Variants in MSI1 observed in about 807,000 individuals in gnomAD.
MSI1 encodes the protein RNA-binding protein Musashi homolog 1.
A neutral mutation model predicts 54.4 loss-of-function variants in MSI1; 15 were observed. The ratio of observed to expected loss-of-function variants is 0.28; its 90% CI spans 0.18 to 0.42. MSI1 has a LOEUF of 0.42. MSI1 is among the 20% of genes least tolerant of loss of function. The pLI is 1.00. For synonymous variants in MSI1, 200 were observed against 196.5 expected (o/e 1.02, Z -0.15); for missense variants, 304 against 506.0 (o/e 0.60, Z 3.83).
chr12:120,344,835 C>T (rs1371362554), intron 14 of MSI1, among the ~76,000 whole-genome samples: 4 of 151,758 alleles, frequency 2.6e-5, no homozygotes, highest in Admixed American at 6.6e-5. Flanking sequence ...TGGCAAAACT[C>T]GTCTCTGCTA....
chr12:120,364,851 G>T, intron 4 of MSI1, 96 bp from the exon 5 acceptor site: 1 of 1,045,688 alleles, frequency 9.6e-7, no homozygotes, highest in Non-Finnish European at 1.4e-6. Flanking sequence ...TCTCCTCCCA[G>T]GACACAAAGG....
At chr12:120,364,916 T>C (rs1310959531) in intron 4 of MSI1, among the ~76,000 whole-genome samples, 161 bp from the exon 5 acceptor site, 1 of 152,180 alleles carries the variant, frequency 6.6e-6, no homozygotes, top group Non-Finnish European at 1.5e-5. Flanking sequence ...AGCATTTATT[T>C]TTATTTTTTC....
intron 6 of MSI1, among the ~76,000 whole-genome samples, chr12:120,362,280 A>G (rs1426583498): frequency 6.6e-6 from 1 of 152,148 alleles, no homozygotes; most frequent in African/African-American, 2.4e-5. Context: ...CTCACCTAAA[A>G]GAAGAAAGAC....
At chr12:120,340,886 CTTTTT>C (rs34926125), downstream of MSI1, among the ~76,000 whole-genome samples, 2 of 119,456 alleles carry the variant, frequency 1.7e-5, no homozygotes, top group Non-Finnish European at 1.7e-5. Context: ...TTCTCCTATT[CTTTTT>C]TTTTTTTTTT....
intron 14 of MSI1, among the ~76,000 whole-genome samples, chr12:120,343,646 G>C (rs568630737): frequency 6.6e-6 from 1 of 152,270 alleles, no homozygotes; most frequent in South Asian, 2.1e-4. Context: ...AAATAGCCCT[G>C]TCATGCACAG....
intron 14 of MSI1, 117 bp downstream of exon 14, chr12:120,345,453 G>A: frequency 2.4e-6 from 2 of 832,202 alleles, no homozygotes; most frequent in Non-Finnish European, 2.0e-6. Context: ...ATAAAGATCT[G>A]TCTCCCCTGG....
At chr12:120,346,464 A>C (rs1333725646) in intron 12 of MSI1, 142 bp from the exon 13 acceptor site, 1 of 765,668 alleles carries the variant, frequency 1.3e-6, no homozygotes, top group Non-Finnish European at 1.9e-6. Flanking sequence ...AGATCTCCCC[A>C]TGCCCATCCA....
intron 14 of MSI1, among the ~76,000 whole-genome samples, chr12:120,344,965 A>C (rs1873987799): frequency 6.8e-6 from 1 of 147,280 alleles, no homozygotes; most frequent in African/African-American, 2.5e-5. Flanking sequence ...CAGTGAGCCA[A>C]GATTGCGCCA....
At chr12:120,351,292 T>C in intron 11 of MSI1, 52 bp downstream of exon 11, 1 of 1,536,144 alleles carries the variant, frequency 6.5e-7, no homozygotes, top group Non-Finnish European at 9.0e-7. Flanking sequence ...CCTGGGCCCC[T>C]TCTGTTTCTC....
At chr12:120,349,313 G>A (rs886471147) in intron 11 of MSI1, among the ~76,000 whole-genome samples, 41 of 152,062 alleles carry the variant, frequency 2.7e-4, no homozygotes, top group African/African-American at 9.9e-4. Flanking sequence ...TGGCCAGGCT[G>A]GTCTCAAACT....
chr12:120,359,855 C>G (rs558705737), intron 6 of MSI1, among the ~76,000 whole-genome samples: 34 of 152,204 alleles, frequency 2.2e-4, no homozygotes, highest in Admixed American at 3.9e-4. Flanking sequence ...CAATCCTACT[C>G]CAGGCCCCAA....
In MSI1 at chr12:120,342,440, T is replaced by G. The variant is rs1287378990; in HGVS notation, c.*687A>C. 1 of 151,848 alleles carries G rather than the reference T, an allele frequency of 6.6e-6. No homozygotes were observed. Among genetic ancestry groups the G allele is most frequent in the African/African-American group, 2.4e-5 (1 of 41,174 alleles). The allele number at this position is 151,848 out of a possible 1,614,324, so 9.4% of individuals were successfully genotyped here. ...GGTGGGCACATCACCTCACAGTATT[T>G]ACATATGATACAGGACGGGATGGTT... On this transcript the variant is annotated 3_prime_UTR_variant, in exon 15 of 15. Coordinates refer to ENST00000257552, the MANE Select transcript of MSI1 (RefSeq NM_002442.4).
intron 5 of MSI1, among the ~76,000 whole-genome samples, chr12:120,364,297 A>G (rs2136984301): frequency 6.6e-6 from 1 of 152,024 alleles, no homozygotes; most frequent in East Asian, 1.9e-4. Context: ...GACTGGGGGG[A>G]TCCAAGGGTA....
chr12:120,367,019 G>A (rs1044564309), intron 4 of MSI1, among the ~76,000 whole-genome samples: 2 of 152,156 alleles, frequency 1.3e-5, no homozygotes, highest in African/African-American at 2.4e-5. Flanking sequence ...TTTCAGAGCC[G>A]GCAAAGTTGA....
rs1874801131 is a variant in MSI1 at position 120,353,324 on chromosome 12, G to A, written c.708C>T (p.Ala236=). 1 of 1,613,954 alleles carries A rather than the reference G, an allele frequency of 6.2e-7. No individual in the cohort carries two copies. The highest frequency in any genetic ancestry group is 1.7e-5 in the Admixed American group (1 of 59,988). ...CGGGGAACTGGTAGGTGTAGCCAGG[G>A]GCGAGGCCTGTATAACTCCGGCTGG... ...TYASRSYTGL[A]PGYTYQFPEF... is the part of the protein sequence containing the mutation. Residue 236 remains alanine, a synonymous_variant, in exon 10 of 15, where the codon GCC becomes GCT. Transcript: ENST00000257552.
chr12:120,368,914 CGGGCGCCAGGGCGCAGG>C lies in MSI1; in HGVS notation c.60-58_60-42del. 7.4e-7 allele frequency: 1 copy of C among 1,352,026 alleles called. No individual in the cohort carries two copies. Among genetic ancestry groups the C allele is most frequent in the African/African-American group, 1.5e-5 (1 of 65,472 alleles). 83.8% of individuals were successfully genotyped at this position (1,352,026 alleles called of 1,614,324 possible). The stretch of plus-strand genomic sequence containing the variant: ...AGACACAAAGGGCCCGCGTGAGCGC[CGGGCGCCAGGGCGCAGG>C]GGGCGCGGGCCCGGGCTCCGGGGAG... On this transcript the variant is annotated intron_variant, in intron 1 of 14. Coordinates refer to ENST00000257552, the MANE Select transcript of MSI1 (RefSeq NM_002442.4). The surrounding 1 kb of genome is among the most constrained non-coding windows in gnomAD (Gnocchi z 6.6).
intron 11 of MSI1, among the ~76,000 whole-genome samples, chr12:120,350,307 G>A (rs1236531061): frequency 2.0e-5 from 3 of 152,138 alleles, no homozygotes; most frequent in South Asian, 2.1e-4. Context: ...GATTATAGGC[G>A]TGAACCACCA....
intron 11 of MSI1, among the ~76,000 whole-genome samples, chr12:120,348,748 C>A (rs1238831112): frequency 6.6e-6 from 1 of 151,908 alleles, no homozygotes; most frequent in African/African-American, 2.4e-5. Context: ...ACAAAATTAG[C>A]CAGGTGTGGT....
At position 120,363,154 on chromosome 12, in the gene MSI1, A is replaced by C. The variant is rs1482781985; in HGVS notation, c.310-19T>G. On this transcript the variant is annotated intron_variant, in intron 5 of 14. Coordinates refer to ENST00000257552, the MANE Select transcript of MSI1 (RefSeq NM_002442.4). ...TCACCATCTGTTAGGGGAGGGAATGAGAAAGTGGGCATCTGAGTCCTGTGG... is the reference window on the plus strand; with the variant it reads ...TCACCATCTGTTAGGGGAGGGAATGCGAAAGTGGGCATCTGAGTCCTGTGG... 1 of 1,610,278 alleles carries C rather than the reference A, an allele frequency of 6.2e-7. No homozygotes were observed.
Sources: gnomAD v4.1 joint callset for allele counts (sites outside exome capture counted in the v4.1 genomes callset) on GRCh38, gnomAD v4.1.1 for gene constraint, Gnocchi (gnomAD v3.1) non-coding constraint, MANE v1.5 for transcripts, NCBI Gene and HGNC (gene_info 2026-07-23, HGNC 2026-07-21) for gene names.